FAM13B: variants seen among roughly 807,000 people sequenced by gnomAD.
FAM13B encodes the protein protein FAM13B.
A neutral mutation model predicts 117.3 loss-of-function variants in FAM13B; 60 were observed. The ratio of observed to expected loss-of-function variants is 0.51; its 90% CI spans 0.42 to 0.63. The LOEUF (loss-of-function observed/expected upper bound fraction) is 0.63, where lower values mean the gene tolerates loss of function less well. Ranked by LOEUF, FAM13B falls within the 30% of genes least tolerant of loss-of-function variation. The probability of loss-of-function intolerance (pLI) is 0.00; values close to 1 mark genes in which losing one functional copy is unlikely to be tolerated. For synonymous variants in FAM13B, 332 were observed against 356.1 expected (o/e 0.93, Z 0.76); for missense variants, 972 against 1,091.9 (o/e 0.89, Z 1.55).
At chr5:138,005,943 G>C (rs1367111836) in intron 7 of FAM13B, among the ~76,000 whole-genome samples, 2 of 150,060 alleles carry the variant, frequency 1.3e-5, no homozygotes, top group Admixed American at 6.7e-5. Context: ...CTGTCGCCCA[G>C]GCTGGAGTGC....
At chr5:138,001,701 C>T (rs1343075444) in intron 7 of FAM13B, among the ~76,000 whole-genome samples, 1 of 151,996 alleles carries the variant, frequency 6.6e-6, no homozygotes, top group Non-Finnish European at 1.5e-5. Flanking sequence ...ATGAACAAAA[C>T]AGAACAGGGT....
At position 137,956,413 on chromosome 5, in the gene FAM13B, T is replaced by C. The variant is rs566413222; in HGVS notation, c.1507+64A>G. 4 of 1,199,584 alleles carry C rather than the reference T, an allele frequency of 3.3e-6. No individual in the cohort carries two copies. The Admixed American group carries it at 7.1e-5, about 21-fold the overall frequency. The allele number at this position is 1,199,584 out of a possible 1,614,324, so 74.3% of individuals were successfully genotyped here. A position where few individuals can be genotyped will look rare whatever the true frequency, so the allele number is the denominator to read the frequency against. On this transcript the variant is annotated intron_variant, in intron 14 of 23. Coordinates refer to ENST00000689681, the MANE Select transcript of FAM13B (RefSeq NM_001385994.1). ...TGGGGACAGCAGGAGAAGGGCTTAA[T>C]AAAAAGACAAACAAAGTGAACCATA...
At chr5:137,958,303 T>C (rs1306804833) in intron 13 of FAM13B, among the ~76,000 whole-genome samples, 1 of 152,206 alleles carries the variant, frequency 6.6e-6, no homozygotes, top group East Asian at 1.9e-4. Context: ...ACTTTCTAAT[T>C]TAGTCTAAGT....
intron 4 of FAM13B, among the ~76,000 whole-genome samples, chr5:138,017,748 C>A (rs1785614962): frequency 6.6e-6 from 1 of 152,142 alleles, no homozygotes. Context: ...ACCAAAAAAA[C>A]CTAACAAAGA....
upstream of FAM13B, chr5:138,052,038 C>A (rs1440580422): frequency 6.6e-6 from 1 of 152,084 alleles, no homozygotes; most frequent in African/African-American, 2.4e-5. Context: ...GATAAAGAAC[C>A]AGCGTCGAAG....
At chr5:137,972,333 A>G (rs1772450826) in intron 10 of FAM13B, among the ~76,000 whole-genome samples, 1 of 152,142 alleles carries the variant, frequency 6.6e-6, no homozygotes, top group South Asian at 2.1e-4. Context: ...AATGTAATCC[A>G]GCATATAAAC....
intron 7 of FAM13B, among the ~76,000 whole-genome samples, chr5:137,989,115 G>A (rs1411223298): frequency 6.6e-6 from 1 of 152,240 alleles, no homozygotes; most frequent in Non-Finnish European, 1.5e-5. Context: ...TAGCCATAGG[G>A]AGGAGTGACC....
chr5:138,026,793 G>A (rs1469683903), intron 1 of FAM13B, among the ~76,000 whole-genome samples: 5 of 151,642 alleles, frequency 3.3e-5, no homozygotes, highest in Non-Finnish European at 1.5e-5. Context: ...TAAAAAATTA[G>A]CTGAGCATGG....
chr5:137,983,688 G>A lies in FAM13B; in HGVS notation c.1179+1569C>T, dbSNP rs966327374. ...TACACCCAAGTCTGTGAAACTAACA[G>A]TGGCAGCTTAACTTCTTTGAAATGT... On this transcript the variant is annotated intron_variant, in intron 10 of 23. Transcript: ENST00000689681. 2.0e-5 allele frequency among the ~76,000 whole-genome samples: 3 copies of A among 152,184 alleles called. No homozygotes were observed. The South Asian group carries it at 6.2e-4, about 32-fold the overall frequency.
intron 10 of FAM13B, among the ~76,000 whole-genome samples, chr5:137,973,594 C>A (rs927656733): frequency 6.6e-6 from 1 of 152,150 alleles, no homozygotes; most frequent in African/African-American, 2.4e-5. Context: ...GCAACAAAAG[C>A]CAAAATTGAC....
intron 7 of FAM13B, among the ~76,000 whole-genome samples, chr5:138,000,434 A>C (rs978910825): frequency 2.6e-5 from 4 of 152,096 alleles, no homozygotes; most frequent in African/African-American, 9.7e-5. Context: ...ATTTTTTCTC[A>C]GTTTTAATTC....
chr5:137,967,737 T>C (rs991359794), intron 10 of FAM13B, among the ~76,000 whole-genome samples: 2 of 151,362 alleles, frequency 1.3e-5, no homozygotes, highest in African/African-American at 4.9e-5. Flanking sequence ...TGTAAAAAAA[T>C]TAAAAATTAG....
At chr5:138,034,835 C>T (rs537068107), upstream of FAM13B, among the ~76,000 whole-genome samples, 1 of 151,832 alleles carries the variant, frequency 6.6e-6, no homozygotes. Flanking sequence ...ATCATAAGTG[C>T]GTAAAAGTCT....
At chr5:137,944,695 T>C (rs1488746847) in intron 20 of FAM13B, among the ~76,000 whole-genome samples, 2 of 149,580 alleles carry the variant, frequency 1.3e-5, no homozygotes, top group Non-Finnish European at 3.0e-5. Context: ...GAGGCGGAGG[T>C]TGCAGTGAGC....
At chr5:138,046,577 C>A (rs1791646572) in intron 1 of FAM13B, among the ~76,000 whole-genome samples, 1 of 152,152 alleles carries the variant, frequency 6.6e-6, no homozygotes, top group Non-Finnish European at 1.5e-5. Context: ...AAGTTGGAAA[C>A]AACAGGAAGT....
rs1384536332 is a variant in FAM13B, at chr5:137,938,211, T to G, written c.*2014A>C. 1.3e-5 allele frequency: 2 copies of G among 152,618 alleles called. No homozygotes were observed. Among genetic ancestry groups the G allele is most frequent in the African/African-American group, 4.8e-5 (2 of 41,436 alleles). 9.5% of individuals were successfully genotyped at this position (152,618 alleles called of 1,614,324 possible). A position where few individuals can be genotyped will look rare whatever the true frequency, so the allele number is the denominator to read the frequency against. On this transcript the variant is annotated 3_prime_UTR_variant, in exon 24 of 24. Coordinates refer to ENST00000689681, the MANE Select transcript of FAM13B (RefSeq NM_001385994.1). ...TACATATTCTACTCACAGCCAAACA[T>G]TAACATTGAATAACATATTGAAGCA... is the stretch of plus-strand genomic sequence containing the variant.
intron 10 of FAM13B, among the ~76,000 whole-genome samples, chr5:137,969,600 G>C (rs994306151): frequency 2.0e-5 from 3 of 152,224 alleles, no homozygotes; most frequent in African/African-American, 7.2e-5. Flanking sequence ...ACGGAACAAA[G>C]CTGGACGGAG....
chr5:138,046,735 C>CTTCTTTTCTTTTT (rs1225490992), intron 1 of FAM13B, among the ~76,000 whole-genome samples: 12 of 151,908 alleles, frequency 7.9e-5, no homozygotes, highest in African/African-American at 2.2e-4. Flanking sequence ...AAGGGTATTT[C>CTTCTTTTCTTTTT]TTCTTTTCTT....
intron 6 of FAM13B, among the ~76,000 whole-genome samples, chr5:138,009,270 T>C (rs1444043337): frequency 6.6e-6 from 1 of 152,202 alleles, no homozygotes; most frequent in Non-Finnish European, 1.5e-5. Flanking sequence ...ACATCATGTA[T>C]AATGCTAATG....
Sources: allele counts gnomAD v4.1 joint callset (sites outside exome capture counted in the v4.1 genomes callset), GRCh38; gene constraint gnomAD v4.1.1; transcripts MANE v1.5; gene names NCBI Gene and HGNC (gene_info 2026-07-23, HGNC 2026-07-21).